Variants in IDH3A observed in about 807,000 individuals in gnomAD.
IDH3A encodes the protein isocitrate dehydrogenase [NAD] subunit alpha, mitochondrial.
Under a neutral mutation model 43.3 loss-of-function variants are expected in IDH3A, and 23 were observed. The ratio of observed to expected loss-of-function variants is 0.53; its 90% CI spans 0.38 to 0.75. The LOEUF is 0.75. IDH3A is among the 30% of genes least tolerant of loss of function. The pLI is 0.00. For missense variants in IDH3A, 329 were observed against 474.4 expected, an observed-to-expected ratio of 0.69 and a Z score of 2.85; for synonymous variants, 154 against 163.5, an observed-to-expected ratio of 0.94 and a Z score of 0.44.
intron 1 of IDH3A, among the ~76,000 whole-genome samples, chr15:78,149,993 G>C (rs1363563308): frequency 2.0e-5 from 3 of 152,244 alleles, no homozygotes; most frequent in Non-Finnish European, 4.4e-5. Flanking sequence ...TCCCTTTGGC[G>C]CTCTTCCCAG....
intron 10 of IDH3A, chr15:78,166,529 A>T: frequency 1.9e-6 from 1 of 539,598 alleles, no homozygotes; most frequent in Non-Finnish European, 3.4e-6. Context: ...GTTAAGCAGC[A>T]CTGATGTATA....
intron 3 of IDH3A, among the ~76,000 whole-genome samples, chr15:78,159,689 C>A (rs1567070357): frequency 6.6e-6 from 1 of 152,088 alleles, no homozygotes; most frequent in Non-Finnish European, 1.5e-5. Flanking sequence ...TTTTAGCAGT[C>A]ACATCCAAAG....
Position 78,169,043 on chromosome 15 carries a change from T to C in IDH3A, c.*38T>C, listed in dbSNP as rs773141812. The C allele has an allele frequency of 1.6e-6, 2 of 1,271,012 alleles. No homozygotes were observed. The highest frequency in any genetic ancestry group is 1.7e-5 in the Admixed American group (1 of 58,336). 78.7% of individuals were successfully genotyped at this position (1,271,012 alleles called of 1,614,324 possible). A position where few individuals can be genotyped will look rare whatever the true frequency, so the allele number is the denominator to read the frequency against. Reference sequence around the variant, plus strand: ...TGGCATTTACATCAGTCACTCTAAATGGACACCACATGAACCTCTGTTTAG... The same window carrying C: ...TGGCATTTACATCAGTCACTCTAAACGGACACCACATGAACCTCTGTTTAG... On this transcript the variant is annotated 3_prime_UTR_variant, in exon 11 of 11. Transcript: ENST00000299518.
At chr15:78,168,107 T>TAA (rs1595873724) in intron 10 of IDH3A, 2 of 152,082 alleles carry the variant, frequency 1.3e-5, no homozygotes, top group East Asian at 1.9e-4. Context: ...ATGGGAGGCT[T>TAA]TCTTTCCTAA....
intron 1 of IDH3A, among the ~76,000 whole-genome samples, chr15:78,151,796 GAT>G (rs141975807): frequency 9.4e-5 from 14 of 148,936 alleles, no homozygotes; most frequent in Non-Finnish European, 9.0e-5. Flanking sequence ...AATGATGTGA[GAT>G]ATATATATAT....
chr15:78,155,131 C>A, intron 1 of IDH3A, 82 bp from the exon 2 acceptor site: 1 of 933,792 alleles, frequency 1.1e-6, no homozygotes, highest in Non-Finnish European at 1.7e-6. Context: ...GCAGCATTAC[C>A]ATCCATCAGG....
intron 1 of IDH3A, among the ~76,000 whole-genome samples, chr15:78,153,756 T>C (rs6495276): frequency 0.49 from 74,911 of 152,090 alleles, 18,868 homozygotes; most frequent in African/African-American, 0.57. Context: ...TGGTGGCTCA[T>C]GCCTGTAATC....
intron 3 of IDH3A, among the ~76,000 whole-genome samples, chr15:78,158,064 T>C (rs2074641413): frequency 6.6e-6 from 1 of 152,204 alleles, no homozygotes; most frequent in African/African-American, 2.4e-5. Context: ...TAAGTCCTGC[T>C]TGGGTTTAAG....
intron 3 of IDH3A, among the ~76,000 whole-genome samples, chr15:78,158,501 A>G: frequency 1.9e-5 from 1 of 53,854 alleles, no homozygotes; most frequent in African/African-American, 7.1e-5. Context: ...TTTGAGACAG[A>G]GTTTTGCTCT....
Position 78,160,179 on chromosome 15 carries a change from A to G in IDH3A, c.262A>G (p.Met88Val). The G allele has an allele frequency of 1.2e-6, 2 of 1,609,300 alleles. No individual in the cohort carries two copies. The highest frequency in any genetic ancestry group is 1.7e-6 in the Non-Finnish European group (2 of 1,175,602). ...GATCCCTTCAGAGGCTAAAGAGTCC[A>G]TGGATAAGAACAAGATGGGCTTGAA... ...WMIPSEAKES[M>V]DKNKMGLKGP... is the part of the protein sequence containing the mutation. The change falls in exon 4 of 11, where the codon ATG becomes GTG. Residue 88 changes from methionine (M) to valine (V), a missense_variant. Around this residue, in one of 3 missense-constraint regions of IDH3A, gnomAD observed 212 missense variants for 345.5 expected, o/e 0.61. Coordinates refer to ENST00000299518, the MANE Select transcript of IDH3A (RefSeq NM_005530.3).
chr15:78,168,383 G>A (rs1217870225), intron 10 of IDH3A: 5 of 152,132 alleles, frequency 3.3e-5, no homozygotes, highest in Admixed American at 6.5e-5. Flanking sequence ...CAGCTATTCA[G>A]GACGCTGAGG....
chr15:78,158,600 C>A, intron 3 of IDH3A, among the ~76,000 whole-genome samples: 1 of 147,508 alleles, frequency 6.8e-6, no homozygotes, highest in Non-Finnish European at 1.5e-5. Flanking sequence ...TCTCAGCCTC[C>A]CAAGTAGCTG....
In IDH3A at chr15:78,161,500, A is replaced by C. The variant is rs1052648893; in HGVS notation, c.290-81A>C. On this transcript the variant is annotated intron_variant, in intron 4 of 10. Coordinates refer to ENST00000299518, the MANE Select transcript of IDH3A (RefSeq NM_005530.3). The surrounding 1 kb of genome is among the most constrained non-coding windows in gnomAD (Gnocchi z 4.8). Reference sequence around the variant, plus strand: ...AACTAGAGGCAGAACACATTTCACAAGGTAGCCGAGGTGGGTTAGTAGGTC... The same window carrying C: ...AACTAGAGGCAGAACACATTTCACACGGTAGCCGAGGTGGGTTAGTAGGTC... The C allele has an allele frequency of 4.6e-6, 5 of 1,080,214 alleles. No homozygotes were observed. The highest frequency in any genetic ancestry group is 1.9e-5 in the Admixed American group (1 of 52,486). 66.9% of individuals were successfully genotyped at this position (1,080,214 alleles called of 1,614,324 possible).
At chr15:78,158,569 C>T (rs1328515761) in intron 3 of IDH3A, among the ~76,000 whole-genome samples, 4 of 142,336 alleles carry the variant, frequency 2.8e-5, no homozygotes, top group African/African-American at 1.0e-4. Flanking sequence ...CTCTGCCTCC[C>T]GGGTTCAAGC....
At position 78,170,422 on chromosome 15, in the gene IDH3A, C is replaced by T. The variant is rs1016931601; in HGVS notation, c.*1417C>T. On this transcript the variant is annotated 3_prime_UTR_variant, in exon 11 of 11. Transcript: ENST00000299518. ...CACTTTTTAAGCTTGTAACCGCCCC[C>T]CCAGACTTATAATCTTAAATGTATT... is the stretch of plus-strand genomic sequence containing the variant. The T allele has an allele frequency of 6.6e-6, 1 of 152,030 alleles. No homozygotes were observed. Among genetic ancestry groups the T allele is most frequent in the Admixed American group, 6.6e-5 (1 of 15,258 alleles). 9.4% of individuals were successfully genotyped at this position (152,030 alleles called of 1,614,324 possible).
chr15:78,160,246 G>T, intron 4 of IDH3A, 40 bp downstream of exon 4: 1 of 1,183,104 alleles, frequency 8.5e-7, no homozygotes, highest in South Asian at 1.2e-5. Context: ...ACAGATTTCC[G>T]CTACAGGGGT....
rs748188156 is a variant in IDH3A, at chr15:78,171,437, G to A, written c.*2432G>A. ...TATTCTATAGAAACTGCAGGCATAG[G>A]CCCTGATTACATTTTTTGCTCTTGG... On this transcript the variant is annotated 3_prime_UTR_variant, in exon 11 of 11. Coordinates refer to ENST00000299518, the MANE Select transcript of IDH3A (RefSeq NM_005530.3). 6.2e-7 allele frequency: 1 copy of A among 1,612,196 alleles called. No homozygotes were observed. The highest frequency in any genetic ancestry group is 8.5e-7 in the Non-Finnish European group (1 of 1,178,294).
Position 78,162,465 on chromosome 15 carries a change from T to C in IDH3A, c.611+98T>C, listed in dbSNP as rs563612048. The C allele has an allele frequency of 2.0e-4, 268 of 1,330,536 alleles. 2 individuals are homozygous for C. The African/African-American group carries it at 3.4e-3, about 17-fold the overall frequency. The allele number at this position is 1,330,536 out of a possible 1,614,324, so 82.4% of individuals were successfully genotyped here. A position where few individuals can be genotyped will look rare whatever the true frequency, so the allele number is the denominator to read the frequency against. ...CCTCTTCAGCTTGTTCCTTGATTCC[T>C]AATATCTTTGAAAAAGAACTTTGTA... On this transcript the variant is annotated intron_variant, in intron 6 of 10. Transcript: ENST00000299518.
At chr15:78,168,662 G>T in intron 10 of IDH3A, 3 of 290,288 alleles carry the variant, frequency 1.0e-5, no homozygotes, top group Non-Finnish European at 1.3e-5. Context: ...GGAAAATTTT[G>T]GTAAAGCTCC....
Sources: gnomAD v4.1 joint callset for allele counts (sites outside exome capture counted in the v4.1 genomes callset) on GRCh38, gnomAD v4.1.1 for gene constraint, gnomAD v4.1.1 regional missense constraint, Gnocchi (gnomAD v3.1) non-coding constraint, MANE v1.5 for transcripts, NCBI Gene and HGNC (gene_info 2026-07-23, HGNC 2026-07-21) for gene names.